The following CDH18 variants were observed in gnomAD, a reference collection of about 807,000 sequenced individuals.
CDH18 encodes cadherin-18.
CDH18 carries 31 observed loss-of-function variants against 67.9 expected under a neutral mutation model. That is an observed-to-expected ratio of 0.46 (90% CI 0.34 to 0.62). The LOEUF (loss-of-function observed/expected upper bound fraction) is 0.62, where lower values mean the gene tolerates loss of function less well. Ranked by LOEUF, CDH18 falls within the 20% of genes least tolerant of loss-of-function variation. CDH18 has a pLI of 0.01. For missense variants in CDH18, 890 were observed against 975.5 expected (o/e 0.91, Z 1.17); for synonymous variants, 362 against 347.2 (o/e 1.04, Z -0.48).
At chr5:19,892,787 CAGA>C (rs1462600989) in intron 2 of CDH18, among the ~76,000 whole-genome samples, 1 of 152,098 alleles carries the variant, frequency 6.6e-6, no homozygotes, top group East Asian at 1.9e-4. Flanking sequence ...GTCAAGATTT[CAGA>C]AGATGACATC....
chr5:20,157,451 T>A (rs1751620379), intron 2 of CDH18, among the ~76,000 whole-genome samples: 1 of 152,160 alleles, frequency 6.6e-6, no homozygotes, highest in African/African-American at 2.4e-5. Context: ...TTATTTATTT[T>A]CATTTTTTAT....
intron 6 of CDH18, among the ~76,000 whole-genome samples, chr5:19,605,487 G>A (rs1037134797): frequency 2.0e-5 from 3 of 151,616 alleles, no homozygotes; most frequent in Admixed American, 2.0e-4. Flanking sequence ...TTTCAATTTA[G>A]CCACATAGAA....
At chr5:19,719,903 G>GAGAAAGAAAGAAAGAAAGAGAAAGAA (rs1765811646) in intron 5 of CDH18, among the ~76,000 whole-genome samples, 71 of 130,954 alleles carry the variant, frequency 5.4e-4, no homozygotes, top group African/African-American at 2.1e-3. Context: ...AGTTAAGCAA[G>GAGAAAGAAAGAAAGAAAGAGAAAGAA]AGAAAGAAAG....
At chr5:20,399,113 T>C (rs112941631) in intron 1 of CDH18, among the ~76,000 whole-genome samples, 2 of 152,314 alleles carry the variant, frequency 1.3e-5, no homozygotes, top group Admixed American at 6.5e-5. Context: ...CATCTCGGTT[T>C]CACCCAAACA....
At chr5:20,253,407 T>C (rs1416501979) in intron 2 of CDH18, among the ~76,000 whole-genome samples, 1 of 152,044 alleles carries the variant, frequency 6.6e-6, no homozygotes, top group East Asian at 1.9e-4. Context: ...ACTTAACTAG[T>C]TTGACATAAT....
chr5:20,476,721 T>C (rs1320541712), intron 1 of CDH18, among the ~76,000 whole-genome samples: 2 of 152,190 alleles, frequency 1.3e-5, no homozygotes, highest in African/African-American at 4.8e-5. Flanking sequence ...TCTCCAACTA[T>C]TACTCTGTGT....
upstream of CDH18, among the ~76,000 whole-genome samples, chr5:19,989,020 T>A (rs1286023942): frequency 6.6e-6 from 1 of 152,152 alleles, no homozygotes; most frequent in East Asian, 1.9e-4. Flanking sequence ...ATAAATTAAA[T>A]CGATTTGCAA....
At chr5:19,587,297 GA>G (rs1744321637) in intron 7 of CDH18, among the ~76,000 whole-genome samples, 2 of 152,088 alleles carry the variant, frequency 1.3e-5, no homozygotes, top group Admixed American at 6.6e-5. Flanking sequence ...CAACCTAACA[GA>G]ACTTCTTTGT....
rs60858438 is a variant in CDH18, at chr5:20,573,806, A to AATATATATATATAT, written c.-580+1642_-580+1655dup. On this transcript the variant is annotated intron_variant, in intron 1 of 14. Coordinates refer to the CDH18 transcript ENST00000507958. ...TCCCCCAAATATAATACTTAAAAGA[A>AATATATATATATAT]ATATATATATATATATATATATATA... Among the ~76,000 whole-genome samples the AATATATATATATAT allele has an allele frequency of 1.9e-4, 23 of 119,022 alleles. 1 individual carries two copies. The highest frequency in any genetic ancestry group is 6.7e-4 in the East Asian group (2 of 2,996). 78.1% of individuals were successfully genotyped at this position (119,022 alleles called of 152,430 possible).
At chr5:20,302,115 C>T (rs750043142) in intron 1 of CDH18, among the ~76,000 whole-genome samples, 12 of 152,054 alleles carry the variant, frequency 7.9e-5, no homozygotes, top group Non-Finnish European at 1.5e-4. Flanking sequence ...AAATATACAC[C>T]TTGCTTTAGG....
intron 1 of CDH18, among the ~76,000 whole-genome samples, chr5:20,272,809 G>T (rs945123002): frequency 2.0e-5 from 3 of 151,746 alleles, no homozygotes; most frequent in Admixed American, 6.6e-5. Context: ...TAATTTTGAG[G>T]ATGCAACCAC....
intron 1 of CDH18, among the ~76,000 whole-genome samples, chr5:20,510,412 A>C (rs1466794947): frequency 1.3e-5 from 2 of 151,984 alleles, no homozygotes; most frequent in African/African-American, 4.8e-5. Context: ...AGTTTATGTA[A>C]CCTCATTTGA....
At chr5:20,267,190 G>C (rs975912685) in intron 1 of CDH18, among the ~76,000 whole-genome samples, 11 of 152,156 alleles carry the variant, frequency 7.2e-5, no homozygotes, top group Non-Finnish European at 2.9e-5. Context: ...TAAAAACGAG[G>C]TCCGTTTCCC....
chr5:20,142,256 T>C (rs1750302682), intron 2 of CDH18, among the ~76,000 whole-genome samples: 1 of 152,098 alleles, frequency 6.6e-6, no homozygotes, highest in Admixed American at 6.6e-5. Flanking sequence ...GCTAATTCCA[T>C]CTCATGGATA....
chr5:19,966,501 C>T (rs1027294700), intron 2 of CDH18, among the ~76,000 whole-genome samples: 1 of 152,030 alleles, frequency 6.6e-6, no homozygotes, highest in Middle Eastern at 3.2e-3. Context: ...CTTCTATATA[C>T]AATACCTGAA....
intron 2 of CDH18, among the ~76,000 whole-genome samples, chr5:20,189,710 A>C (rs576053755): frequency 7.7e-4 from 117 of 152,248 alleles, no homozygotes; most frequent in Admixed American, 1.2e-3. Context: ...TCCTAAGTCC[A>C]ATTTATACTA....
intron 2 of CDH18, among the ~76,000 whole-genome samples, chr5:19,882,250 T>C (rs946021914): frequency 1.3e-5 from 2 of 152,136 alleles, no homozygotes; most frequent in Non-Finnish European, 2.9e-5. Context: ...CTGTGTCTCA[T>C]TACTTCACCT....
chr5:20,565,677 G>A (rs530458283), intron 1 of CDH18, among the ~76,000 whole-genome samples: 11 of 151,816 alleles, frequency 7.2e-5, no homozygotes, highest in African/African-American at 2.7e-4. Flanking sequence ...AAGACAGTGG[G>A]GAGTAAGCCT....
chr5:19,519,333 C>T (rs139075180), intron 10 of CDH18, among the ~76,000 whole-genome samples: 5 of 152,232 alleles, frequency 3.3e-5, no homozygotes, highest in Admixed American at 1.3e-4. Flanking sequence ...ACAATTGTCC[C>T]TCATACATAA....
Sources: gnomAD v4.1 joint callset for allele counts (sites outside exome capture counted in the v4.1 genomes callset) on GRCh38, gnomAD v4.1.1 for gene constraint, MANE v1.5 for transcripts, NCBI Gene and HGNC (gene_info 2026-07-23, HGNC 2026-07-21) for gene names.